GSTZ1: variants seen among roughly 807,000 people sequenced by gnomAD.
GSTZ1 encodes maleylacetoacetate isomerase.
GSTZ1 carries 34 observed loss-of-function variants against 35.9 expected under a neutral mutation model. That is an observed-to-expected ratio of 0.95 (90% CI 0.72 to 1.26). GSTZ1 has a LOEUF of 1.26. Among genes scored for constraint, GSTZ1 ranks in the 50% most tolerant of loss-of-function variants. GSTZ1 has a pLI of 0.00. For missense variants in GSTZ1, 263 were observed against 271.7 expected (o/e 0.97, Z 0.23); for synonymous variants, 93 against 101.2 (o/e 0.92, Z 0.49).
intron 1 of GSTZ1, chr14:77,321,547 C>G (rs1891978299): frequency 7.8e-7 from 1 of 1,275,290 alleles, no homozygotes; most frequent in Non-Finnish European, 1.0e-6. Context: ...ATGCTCTTCT[C>G]TTGGCCCTAG....
intron 1 of GSTZ1, chr14:77,324,455 C>T: frequency 1.4e-6 from 1 of 719,048 alleles, no homozygotes; most frequent in Admixed American, 2.0e-5. Flanking sequence ...CAGAAATGCC[C>T]TTTCTGACCA....
chr14:77,329,308 T>C (rs1019467707), intron 6 of GSTZ1, 107 bp downstream of exon 6: 6 of 800,642 alleles, frequency 7.5e-6, no homozygotes, highest in African/African-American at 3.4e-5. Context: ...GCTTTGGGCC[T>C]GACAGTTGCA....
At chr14:77,322,594 T>C (rs1892079224) in intron 1 of GSTZ1, 2 of 984,584 alleles carry the variant, frequency 2.0e-6, no homozygotes, top group Non-Finnish European at 1.2e-6. Flanking sequence ...CCCTGTAGCC[T>C]GGCTAGGTAA....
At chr14:77,327,003 C>T (rs1892353574) in intron 3 of GSTZ1, 98 bp downstream of exon 3, 1 of 841,202 alleles carries the variant, frequency 1.2e-6, no homozygotes, top group East Asian at 2.7e-5. Flanking sequence ...GAGAAGTGAA[C>T]CTGTGTCTTG....
At chr14:77,328,089 C>G in intron 5 of GSTZ1, 52 bp downstream of exon 5, 1 of 1,598,810 alleles carries the variant, frequency 6.3e-7, no homozygotes, top group Non-Finnish European at 8.6e-7. Flanking sequence ...CTCTTACACT[C>G]ACACATTGGC....
intron 5 of GSTZ1, chr14:77,328,676 G>A: frequency 5.4e-6 from 1 of 186,422 alleles, no homozygotes. Flanking sequence ...GGCTCCAGGG[G>A]TGCCAAGATG....
intron 1 of GSTZ1, chr14:77,324,525 C>T (rs1032454497): frequency 1.2e-5 from 16 of 1,326,678 alleles, no homozygotes; most frequent in Admixed American, 2.0e-5. Flanking sequence ...CTGAAATCCA[C>T]CCCTTTAGGT....
chr14:77,321,429 G>C (rs780113973), intron 1 of GSTZ1: 53 of 1,525,644 alleles, frequency 3.5e-5, no homozygotes, highest in Non-Finnish European at 4.6e-5. Context: ...GTCGCTGTCC[G>C]GTCGCGCTTC....
At position 77,331,343 on chromosome 14, in the gene GSTZ1, C is replaced by A; in HGVS notation, c.*148C>A. ...CTTCCTGCTGAAACTTGTTCCACCT[C>A]AGTCCCCTCATCTGTCACACGCATG... On this transcript the variant is annotated 3_prime_UTR_variant, in exon 9 of 9. Coordinates refer to ENST00000216465, the MANE Select transcript of GSTZ1 (RefSeq NM_145870.3). 1 of 881,530 alleles carries A rather than the reference C, an allele frequency of 1.1e-6. No individual in the cohort carries two copies. Among genetic ancestry groups the A allele is most frequent in the Non-Finnish European group, 1.7e-6 (1 of 594,816 alleles). The allele number at this position is 881,530 out of a possible 1,614,324, so 54.6% of individuals were successfully genotyped here. A position where few individuals can be genotyped will look rare whatever the true frequency, so the allele number is the denominator to read the frequency against.
rs1891909028 is a variant in GSTZ1, at chr14:77,321,140, C to T, written c.-29C>T. 1 of 1,450,188 alleles carries T rather than the reference C, an allele frequency of 6.9e-7. No homozygotes were observed. The highest frequency in any genetic ancestry group is 9.1e-7 in the Non-Finnish European group (1 of 1,095,796). The allele number at this position is 1,450,188 out of a possible 1,614,324, so 89.8% of individuals were successfully genotyped here. On this transcript the variant is annotated 5_prime_UTR_variant, in exon 1 of 9. Coordinates refer to ENST00000216465, the MANE Select transcript of GSTZ1 (RefSeq NM_145870.3). ...GGTCCCAGGCGCGAAGTTTCTCGGCCTGGAGGAGGGGGTCGCGCGAAGTGC... is the reference window on the plus strand; with the variant it reads ...GGTCCCAGGCGCGAAGTTTCTCGGCTTGGAGGAGGGGGTCGCGCGAAGTGC...
chr14:77,324,835 G>A (rs1378375853), intron 1 of GSTZ1, 35 bp from the exon 2 acceptor site: 2 of 1,606,768 alleles, frequency 1.2e-6, no homozygotes, highest in African/African-American at 2.7e-5. Flanking sequence ...CACCCAGCAT[G>A]GGTTAACACG....
chr14:77,329,187 CT>C lies in GSTZ1; in HGVS notation c.409del (p.Cys137ValfsTer19). ...MQLTWAQNAI[T>X]CGFNALEQIL... ...CTGACCTGGGCCCAGAACGCCATCA[CT>C]TGTGGCTTTAACGGTGAGTCCTCAC... On this transcript the variant is annotated frameshift_variant, in exon 6 of 9. Coordinates refer to ENST00000216465, the MANE Select transcript of GSTZ1 (RefSeq NM_145870.3). LOFTEE classifies it high-confidence loss of function. 1 of 1,609,144 alleles carries C rather than the reference CT, an allele frequency of 6.2e-7. No individual in the cohort carries two copies. Among genetic ancestry groups the C allele is most frequent in the Non-Finnish European group, 8.5e-7 (1 of 1,175,336 alleles).
chr14:77,322,741 AGGACAGGCTG>A (rs1352328047), intron 1 of GSTZ1: 2 of 984,538 alleles, frequency 2.0e-6, no homozygotes, highest in Admixed American at 1.2e-4. Flanking sequence ...AGGTACCTTC[AGGACAGGCTG>A]GGACTGCTGG....
intron 1 of GSTZ1, 27 bp from the exon 2 acceptor site, chr14:77,324,843 A>G (rs1310719754): frequency 6.2e-7 from 1 of 1,612,020 alleles, no homozygotes; most frequent in Non-Finnish European, 8.5e-7. Context: ...ATGGGTTAAC[A>G]CGCGCCTTCA....
At chr14:77,321,402 G>A in intron 1 of GSTZ1, 1 of 1,529,526 alleles carries the variant, frequency 6.5e-7, no homozygotes, top group Non-Finnish European at 8.7e-7. Flanking sequence ...CTGGTAGGGA[G>A]TGCGTAGCAG....
At chr14:77,321,364 C>T (rs933266454) in intron 1 of GSTZ1, 181 bp downstream of exon 1, 25 of 1,530,694 alleles carry the variant, frequency 1.6e-5, no homozygotes, top group Non-Finnish European at 1.9e-5. Context: ...CTCGAAGTTC[C>T]GGGAGGGTTG....
Position 77,321,056 on chromosome 14 carries a change from A to C in GSTZ1, c.-113A>C. ...TCTTTCTAGTCCAGCCCCTCGCTTTACCCGGACGAAAGACACGGGCCTGAT... is the reference window on the plus strand; with the variant it reads ...TCTTTCTAGTCCAGCCCCTCGCTTTCCCCGGACGAAAGACACGGGCCTGAT... On this transcript the variant is annotated 5_prime_UTR_variant, in exon 1 of 9. Coordinates refer to ENST00000216465, the MANE Select transcript of GSTZ1 (RefSeq NM_145870.3). The C allele has an allele frequency of 1.7e-6, 2 of 1,170,862 alleles. No homozygotes were observed. The highest frequency in any genetic ancestry group is 2.3e-6 in the Non-Finnish European group (2 of 854,954). 72.5% of individuals were successfully genotyped at this position (1,170,862 alleles called of 1,614,324 possible).
At chr14:77,327,679 G>A (rs1358617734) in intron 4 of GSTZ1, 127 bp downstream of exon 4, 30 of 763,260 alleles carry the variant, frequency 3.9e-5, no homozygotes, top group Non-Finnish European at 5.9e-5. Flanking sequence ...TACAAGACTC[G>A]TGGGGAGGGT....
Position 77,331,257 on chromosome 14 carries a change from G to A in GSTZ1, c.*62G>A. The stretch of plus-strand genomic sequence containing the variant: ...AGCAGAAGCTGGGTGGGCTGAAGAG[G>A]CCTGGAAACGAGAGTCTTAATTGAG... On this transcript the variant is annotated 3_prime_UTR_variant, in exon 9 of 9. Transcript: ENST00000216465. The A allele has an allele frequency of 6.4e-7, 1 of 1,550,776 alleles. No homozygotes were observed. Among genetic ancestry groups the A allele is most frequent in the East Asian group, 2.3e-5 (1 of 44,128 alleles).
Sources: gnomAD v4.1 joint callset for allele counts on GRCh38, gnomAD v4.1.1 for gene constraint, MANE v1.5 for transcripts, NCBI Gene and HGNC (gene_info 2026-07-23, HGNC 2026-07-21) for gene names.